The following PLK3 variants were observed in gnomAD, a reference collection of about 807,000 sequenced individuals.
PLK3 encodes polo like kinase 3, also known as serine/threonine-protein kinase PLK3.
PLK3 carries 41 observed loss-of-function variants against 71.6 expected under a neutral mutation model. That is an observed-to-expected ratio of 0.57 (90% confidence interval 0.45 to 0.74). The LOEUF is 0.74. PLK3 is among the 30% of genes least tolerant of loss of function. The probability of loss-of-function intolerance (pLI) is 0.00; values close to 1 mark genes in which losing one functional copy is unlikely to be tolerated. For missense variants in PLK3, 791 were observed against 875.6 expected, an observed-to-expected ratio of 0.90 and a Z score of 1.22; for synonymous variants, 366 against 355.4, an observed-to-expected ratio of 1.03 and a Z score of -0.33.
chr1:44,805,135 A>G lies in PLK3; in HGVS notation c.1636-131A>G, dbSNP rs575998560. Reference sequence around the variant, plus strand: ...AAAAAAAATAAAGAAAAGAAAACTAACCCATCCTGATCCCTCTGATTCCCC... The same window carrying G: ...AAAAAAAATAAAGAAAAGAAAACTAGCCCATCCTGATCCCTCTGATTCCCC... On this transcript the variant is annotated intron_variant, in intron 13 of 14. Coordinates refer to ENST00000372201, the MANE Select transcript of PLK3 (RefSeq NM_004073.4). 13 of 658,126 alleles carry G rather than the reference A, an allele frequency of 2.0e-5. 1 individual carries two copies. The South Asian group carries it at 2.3e-4, about 12-fold the overall frequency. 40.8% of individuals were successfully genotyped at this position (658,126 alleles called of 1,614,324 possible). A position where few individuals can be genotyped will look rare whatever the true frequency, so the allele number is the denominator to read the frequency against.
chr1:44,804,426 G>A lies in PLK3; in HGVS notation c.1430G>A (p.Gly477Glu). 1 of 1,614,182 alleles carries A rather than the reference G, an allele frequency of 6.2e-7. No homozygotes were observed. The highest frequency in any genetic ancestry group is 1.1e-5 in the South Asian group (1 of 91,080). Residue 477 changes from glycine (G) to glutamate (E), a missense_variant, in exon 12 of 15, where the codon GGG (glycine) becomes GAG (glutamate). By Grantham distance (98) the Gly-to-Glu change is moderately conservative. Coordinates refer to ENST00000372201, the MANE Select transcript of PLK3 (RefSeq NM_004073.4). Reference sequence around the variant, plus strand: ...GACTACTCCAATAAGTTCGGCTTTGGGTATCAACTGTCCAGCCGCCGTGTG... The same window carrying A: ...GACTACTCCAATAAGTTCGGCTTTGAGTATCAACTGTCCAGCCGCCGTGTG... The part of the protein sequence containing the change: ...WVDYSNKFGF[G>E]YQLSSRRVAV...
Position 44,803,304 on chromosome 1 carries a change from G to T in PLK3, c.985G>T (p.Val329Leu), listed in dbSNP as rs199844223. 1.2e-6 allele frequency: 2 copies of T among 1,614,122 alleles called. No individual in the cohort carries two copies. The highest frequency in any genetic ancestry group is 3.3e-5 in the Admixed American group (2 of 60,008). The change falls in exon 8 of 15, where the codon GTG (valine) becomes TTG (leucine). Residue 329 changes from valine (V) to leucine (L), a missense_variant. Physicochemically the swap from Val to Leu is conservative, Grantham distance 32. Transcript: ENST00000372201. This position sits in a 1 kb window ranked among gnomAD's most constrained non-coding sequence, Gnocchi z 4.3. ...CGATCGACTCCCTATCAGCAGCTGC[G>T]TGACAGTCCCAGACCTGACACCCCC... is the stretch of plus-strand genomic sequence containing the variant. ...TPDRLPISSC[V>L]TVPDLTPPNP...
In PLK3 at chr1:44,801,061, G is replaced by A. The variant is rs1651812032; in HGVS notation, c.344G>A (p.Arg115Gln). 1.2e-6 allele frequency: 2 copies of A among 1,613,646 alleles called. No individual in the cohort carries two copies. The highest frequency in any genetic ancestry group is 1.1e-5 in the South Asian group (1 of 91,082). ...ATCCTAAATGAGATTGAGCTGCACCGAGACCTGCAGCACCGCCACATCGTG... is the reference window on the plus strand; with the variant it reads ...ATCCTAAATGAGATTGAGCTGCACCAAGACCTGCAGCACCGCCACATCGTG... ...EKILNEIELH[R>Q]DLQHRHIVRF... Residue 115 changes from arginine (R) to glutamine (Q), a missense_variant, in exon 3 of 15, where the codon CGA becomes CAA. Physicochemically the swap from Arg to Gln is conservative, Grantham distance 43 (BLOSUM62 1). Transcript: ENST00000372201.
rs1367481188 is a variant in PLK3, at chr1:44,803,994, C to T, written c.1228C>T (p.Pro410Ser). The change falls in exon 10 of 15, where the codon CCC (proline) becomes TCC (serine). Residue 410 changes from proline (P) to serine (S), a missense_variant. By Grantham distance (74) the Pro-to-Ser change is moderately conservative. Transcript: ENST00000372201. The surrounding 1 kb of genome is among the most constrained non-coding windows in gnomAD (Gnocchi z 4.3). ...LVETAPEDSS[P>S]RGTLASSGDG... ...AGAGACAGCACCTGAAGACAGCTCA[C>T]CCCGTGGGACACTGGCAAGCAGTGG... The T allele has an allele frequency of 1.3e-6, 2 of 1,554,000 alleles. No homozygotes were observed. The highest frequency in any genetic ancestry group is 2.0e-5 in the Admixed American group (1 of 51,164).
At chr1:44,801,263 G>T (rs1014431559) in intron 3 of PLK3, 111 bp downstream of exon 3, 65 of 670,956 alleles carry the variant, frequency 9.7e-5, no homozygotes, top group Admixed American at 9.4e-4. Context: ...AGGCTGGAGT[G>T]CAGTGGCGCG....
At position 44,803,516 on chromosome 1, in the gene PLK3, G is replaced by A; in HGVS notation, c.1073-84G>A. The A allele has an allele frequency of 6.4e-7, 1 of 1,572,738 alleles. No individual in the cohort carries two copies. Among genetic ancestry groups the A allele is most frequent in the Non-Finnish European group, 8.7e-7 (1 of 1,144,952 alleles). On this transcript the variant is annotated intron_variant, in intron 8 of 14. Coordinates refer to ENST00000372201, the MANE Select transcript of PLK3 (RefSeq NM_004073.4). This position sits in a 1 kb window ranked among gnomAD's most constrained non-coding sequence, Gnocchi z 4.3. ...GAGAGCATGTGCAGTACAGGCACTT[G>A]GGGAGGCCAATCTCTGTGTCATCCC... is the stretch of plus-strand genomic sequence containing the variant.
Position 44,803,579 on chromosome 1 carries a change from G to A in PLK3, c.1073-21G>A, listed in dbSNP as rs368458069. The A allele has an allele frequency of 5.6e-6, 9 of 1,605,010 alleles. No individual in the cohort carries two copies. The highest frequency in any genetic ancestry group is 2.2e-5 in the South Asian group (2 of 90,826). On this transcript the variant is annotated intron_variant, in intron 8 of 14. Coordinates refer to ENST00000372201, the MANE Select transcript of PLK3 (RefSeq NM_004073.4). The surrounding 1 kb of genome is among the most constrained non-coding windows in gnomAD (Gnocchi z 4.3). ...AGGGGCTGGGCAGGATACTGAGGAC[G>A]GTATCACCTTTCACCCCCAGGTAAG... is the stretch of plus-strand genomic sequence containing the variant.
rs753728800 is a variant in PLK3, at chr1:44,804,646, C to G, written c.1506-4C>G. ...TCCCTCTGACCTCTGCCTCCCCATT[C>G]TAGGACTGTGCACTACAATCCCACC... On this transcript the variant is annotated splice_region_variant and splice_polypyrimidine_tract_variant and intron_variant, in intron 12 of 14. Coordinates refer to ENST00000372201, the MANE Select transcript of PLK3 (RefSeq NM_004073.4). 6.2e-7 allele frequency: 1 copy of G among 1,613,512 alleles called. No individual in the cohort carries two copies. Among genetic ancestry groups the G allele is most frequent in the South Asian group, 1.1e-5 (1 of 90,990 alleles).
At position 44,803,180 on chromosome 1, in the gene PLK3, C is replaced by G; in HGVS notation, c.948+27C>G. 1 of 1,613,244 alleles carries G rather than the reference C, an allele frequency of 6.2e-7. No individual in the cohort carries two copies. Among genetic ancestry groups the G allele is most frequent in the Non-Finnish European group, 8.5e-7 (1 of 1,179,342 alleles). ...TCTGTGGCTCCCCAGACCTCTAAGT[C>G]CATCTGTGTATTCCCAGGGATTGAA... On this transcript the variant is annotated intron_variant, in intron 7 of 14. Coordinates refer to ENST00000372201, the MANE Select transcript of PLK3 (RefSeq NM_004073.4). This position sits in a 1 kb window ranked among gnomAD's most constrained non-coding sequence, Gnocchi z 4.3.
chr1:44,800,870 G>A lies in PLK3; in HGVS notation c.241G>A (p.Asp81Asn). The A allele has an allele frequency of 5.6e-6, 9 of 1,611,692 alleles. No homozygotes were observed. Among genetic ancestry groups the A allele is most frequent in the Non-Finnish European group, 7.6e-6 (9 of 1,179,828 alleles). ...GGFARCYEAT[D>N]TETGSAYAVK... ...CTTCGCCCGCTGCTACGAGGCCACT[G>A]ACACAGAGACTGGCAGCGCCTACGC... Residue 81 changes from aspartate to asparagine, a missense_variant, in exon 2 of 15, where the codon GAC (aspartate) becomes AAC (asparagine). Coordinates refer to ENST00000372201, the MANE Select transcript of PLK3 (RefSeq NM_004073.4). The surrounding 1 kb of genome is among the most constrained non-coding windows in gnomAD (Gnocchi z 6.5).
chr1:44,801,995 A>T (rs554442652), intron 5 of PLK3, 63 bp downstream of exon 5: 2 of 1,276,074 alleles, frequency 1.6e-6, no homozygotes, highest in Non-Finnish European at 2.2e-6. Context: ...GACAGTGCAT[A>T]TGTATGTGGG....
Position 44,802,757 on chromosome 1 carries a change from C to A in PLK3, c.654-3C>A. ...TTCTCTCCTCCTCCCCACCCTCTTT[C>A]AGGACCATCTGTGGCACCCCCAACT... On this transcript the variant is annotated splice_region_variant and splice_polypyrimidine_tract_variant and intron_variant, in intron 5 of 14. Transcript: ENST00000372201. 1 of 1,610,524 alleles carries A rather than the reference C, an allele frequency of 6.2e-7. No individual in the cohort carries two copies. The highest frequency in any genetic ancestry group is 1.1e-5 in the South Asian group (1 of 90,990).
At position 44,800,591 on chromosome 1, in the gene PLK3, G is replaced by C. The variant is rs1393519832; in HGVS notation, c.128G>C (p.Gly43Ala). Reference sequence around the variant, plus strand: ...GGACCTGAGCTGGAGATGCTGGCCGGGCTACCGACGTCAGACCCCGGGCGC... The same window carrying C: ...GGACCTGAGCTGGAGATGCTGGCCGCGCTACCGACGTCAGACCCCGGGCGC... ...LRGPELEMLA[G>A]LPTSDPGRLI... The change falls in exon 1 of 15, where the codon GGG becomes GCG. Residue 43 changes from glycine (G) to alanine (A), a missense_variant. Coordinates refer to ENST00000372201, the MANE Select transcript of PLK3 (RefSeq NM_004073.4). This position sits in a 1 kb window ranked among gnomAD's most constrained non-coding sequence, Gnocchi z 6.5. 6.5e-7 allele frequency: 1 copy of C among 1,537,116 alleles called. No homozygotes were observed. Among genetic ancestry groups the C allele is most frequent in the Non-Finnish European group, 8.7e-7 (1 of 1,145,566 alleles).
At position 44,804,058 on chromosome 1, in the gene PLK3, G is replaced by A. The variant is rs1364350647; in HGVS notation, c.1258+34G>A. 3.2e-6 allele frequency: 5 copies of A among 1,546,404 alleles called. No homozygotes were observed. The African/African-American group carries it at 4.1e-5, about 13-fold the overall frequency. On this transcript the variant is annotated intron_variant, in intron 10 of 14. Transcript: ENST00000372201. ...CCAGGGAGGATGAGAGGTGATAGAG[G>A]TTGCTGGAGCTGAGATCAGGGGCGA...
chr1:44,805,089 G>T, intron 13 of PLK3, 177 bp from the exon 14 acceptor site: 1 of 594,398 alleles, frequency 1.7e-6, no homozygotes. Flanking sequence ...CTGGGCAACA[G>T]AGCGAGACTC....
rs768042291 is a variant in PLK3, at chr1:44,804,778, A to C, written c.1634A>C (p.Lys545Thr). ...FASYMEQHLM[K>T]GGDLPSVEEV... Reference sequence around the variant, plus strand: ...TCCTACATGGAGCAGCACCTCATGAAGGTGTGAGGGCTGGGGCTGTGGTAC... The same window carrying C: ...TCCTACATGGAGCAGCACCTCATGACGGTGTGAGGGCTGGGGCTGTGGTAC... Residue 545 changes from lysine (K) to threonine (T), a missense_variant and splice_region_variant, in exon 13 of 15, where the codon AAG becomes ACG. Transcript: ENST00000372201. 1 of 1,613,860 alleles carries C rather than the reference A, an allele frequency of 6.2e-7. No homozygotes were observed. Among genetic ancestry groups the C allele is most frequent in the East Asian group, 2.2e-5 (1 of 44,866 alleles).
Position 44,801,937 on chromosome 1 carries a change from G to A in PLK3, c.653+5G>A. The stretch of plus-strand genomic sequence containing the variant: ...GCCTCCGGAGCAGAGGAAGAAGTGA[G>A]TTTTGAGGAAAGGGGCCCTGTGTGT... On this transcript the variant is annotated splice_donor_5th_base_variant and intron_variant, in intron 5 of 14. Coordinates refer to ENST00000372201, the MANE Select transcript of PLK3 (RefSeq NM_004073.4). 6.2e-7 allele frequency: 1 copy of A among 1,608,146 alleles called. No individual in the cohort carries two copies. The highest frequency in any genetic ancestry group is 8.5e-7 in the Non-Finnish European group (1 of 1,176,000).
rs150340586 is a variant in PLK3, at chr1:44,802,817, C to A, written c.711C>A (p.His237Gln). Residue 237 changes from histidine to glutamine, a missense_variant, in exon 6 of 15, where the codon CAC (histidine) becomes CAA (glutamine). By Grantham distance (24) the His-to-Gln change is conservative. Transcript: ENST00000372201. ...VAPEVLLRQGHGPEADVWSLG... is the reference protein window; with the variant it reads ...VAPEVLLRQGQGPEADVWSLG... Reference sequence around the variant, plus strand: ...CAGAAGTGCTGCTGAGACAGGGCCACGGCCCTGAGGCGGATGTATGGTCAC... The same window carrying A: ...CAGAAGTGCTGCTGAGACAGGGCCAAGGCCCTGAGGCGGATGTATGGTCAC... 6.2e-7 allele frequency: 1 copy of A among 1,613,690 alleles called. No homozygotes were observed.
Position 44,800,920 on chromosome 1 carries a change from C to G in PLK3, c.291C>G (p.Arg97=). 1.9e-6 allele frequency: 3 copies of G among 1,612,726 alleles called. No homozygotes were observed. The highest frequency in any genetic ancestry group is 2.5e-6 in the Non-Finnish European group (3 of 1,179,930). Residue 97 remains arginine (R), a synonymous_variant, in exon 2 of 15, where the codon CGC becomes CGG. Coordinates refer to ENST00000372201, the MANE Select transcript of PLK3 (RefSeq NM_004073.4). The surrounding 1 kb of genome is among the most constrained non-coding windows in gnomAD (Gnocchi z 6.5). The part of the protein sequence containing the change: ...AYAVKVIPQS[R]VAKPHQREKI... ...CTGTCAAAGTCATCCCGCAGAGCCG[C>G]GTCGCCAAGCCGCATCAGCGCGAGA...
Sources: allele counts gnomAD v4.1 joint callset, GRCh38; gene constraint gnomAD v4.1.1; non-coding constraint Gnocchi (gnomAD v3.1); transcripts MANE v1.5; gene names NCBI Gene and HGNC (gene_info 2026-07-23, HGNC 2026-07-21).